PPARGC1A: variants seen among roughly 807,000 people sequenced by gnomAD.
The protein encoded by PPARGC1A is peroxisome proliferator-activated receptor gamma coactivator 1-alpha.
In PPARGC1A, 25 loss-of-function variants were observed where a neutral mutation model predicts 88.7. That is an observed-to-expected ratio of 0.28 (90% CI 0.21 to 0.39). The LOEUF is 0.39. Ranked by LOEUF, PPARGC1A falls within the 10% of genes least tolerant of loss-of-function variation. PPARGC1A has a pLI of 1.00. For missense variants in PPARGC1A, 880 were observed against 968.7 expected (o/e 0.91, Z 1.22); for synonymous variants, 363 against 355.6 (o/e 1.02, Z -0.24).
the PPARGC1A span, among the ~76,000 whole-genome samples, chr4:24,327,200 TC>T: frequency 2.0e-5 from 3 of 152,206 alleles, no homozygotes; most frequent in Admixed American, 2.0e-4. Context: ...GTATAGACGC[TC>T]CTTTTTATTA....
At chr4:24,396,148 T>C in the PPARGC1A span, among the ~76,000 whole-genome samples, 2 of 152,064 alleles carry the variant, frequency 1.3e-5, no homozygotes, top group African/African-American at 4.8e-5. Flanking sequence ...CCGGGGACAG[T>C]GCTGTTCTCA....
intron 2 of PPARGC1A, among the ~76,000 whole-genome samples, chr4:23,869,204 C>T (rs896376471): frequency 2.6e-5 from 4 of 152,032 alleles, no homozygotes; most frequent in South Asian, 2.1e-4. Flanking sequence ...GGGGCTATTA[C>T]GACAGCCATA....
chr4:24,466,656 C>T, the PPARGC1A span, among the ~76,000 whole-genome samples: 1 of 151,990 alleles, frequency 6.6e-6, no homozygotes, highest in African/African-American at 2.4e-5. Context: ...TTAAGGTTTA[C>T]ATATATTACA....
At chr4:23,947,376 TATATATATATATATATATATAAAA>T in the PPARGC1A span, among the ~76,000 whole-genome samples, 5,362 of 25,226 alleles carry the variant, frequency 0.21, 337 homozygotes, top group South Asian at 0.42. Context: ...TATATATATA[TATATATATATATATATATATAAAA>T]AAAACGGTGA....
At chr4:24,156,976 C>T in the PPARGC1A span, among the ~76,000 whole-genome samples, 13 of 152,080 alleles carry the variant, frequency 8.5e-5, no homozygotes, top group African/African-American at 2.7e-4. Flanking sequence ...CCCATCCCTT[C>T]GCTACTTTGA....
the PPARGC1A span, among the ~76,000 whole-genome samples, chr4:24,405,896 T>G: frequency 6.6e-6 from 1 of 152,102 alleles, no homozygotes; most frequent in South Asian, 2.1e-4. Flanking sequence ...CTCCTTTCCT[T>G]TCTTCTTTCC....
intron 2 of PPARGC1A, chr4:23,881,331 C>T (rs1004967735): frequency 6.6e-6 from 1 of 152,176 alleles, no homozygotes; most frequent in Admixed American, 6.5e-5. Context: ...CATCCAAACA[C>T]AGGTTGCGTA....
chr4:24,167,231 T>G, the PPARGC1A span, among the ~76,000 whole-genome samples: 1 of 152,120 alleles, frequency 6.6e-6, no homozygotes, highest in South Asian at 2.1e-4. Context: ...GTGGTAGAAA[T>G]AGCAAGAAAC....
At chr4:24,029,330 T>TC in the PPARGC1A span, among the ~76,000 whole-genome samples, 1 of 152,208 alleles carries the variant, frequency 6.6e-6, no homozygotes, top group Non-Finnish European at 1.5e-5. Flanking sequence ...CAACTTTTTT[T>TC]CTCCATTCTA....
chr4:23,907,855 G>T (rs1247633227), upstream of PPARGC1A, among the ~76,000 whole-genome samples: 1 of 152,046 alleles, frequency 6.6e-6, no homozygotes, highest in Non-Finnish European at 1.5e-5. Flanking sequence ...CCATGAAGTG[G>T]GCGTTGGGAC....
chr4:24,425,358 A>T, the PPARGC1A span, among the ~76,000 whole-genome samples: 5 of 152,216 alleles, frequency 3.3e-5, no homozygotes, highest in Non-Finnish European at 5.9e-5. Flanking sequence ...ATATATTTAT[A>T]AAACTGCTTC....
At chr4:23,897,111 G>T (rs972221804) in intron 1 of PPARGC1A, among the ~76,000 whole-genome samples, 1 of 152,196 alleles carries the variant, frequency 6.6e-6, no homozygotes, top group African/African-American at 2.4e-5. Context: ...ATATTCATAG[G>T]AATGAAAGCT....
At chr4:24,275,156 A>G in the PPARGC1A span, among the ~76,000 whole-genome samples, 1 of 152,246 alleles carries the variant, frequency 6.6e-6, no homozygotes, top group Non-Finnish European at 1.5e-5. Context: ...CAACAAATCA[A>G]TCATTTGAAA....
upstream of PPARGC1A, among the ~76,000 whole-genome samples, chr4:23,894,321 C>T (rs1488513063): frequency 5.3e-5 from 8 of 152,080 alleles, no homozygotes; most frequent in African/African-American, 1.4e-4. Context: ...GATCCTGATA[C>T]CCCACATCAG....
At chr4:24,051,279 G>A in the PPARGC1A span, among the ~76,000 whole-genome samples, 2 of 149,822 alleles carry the variant, frequency 1.3e-5, no homozygotes, top group African/African-American at 4.9e-5. Context: ...ATGGGAACAT[G>A]ATGAAAGGCA....
At chr4:24,416,570 A>ACT in the PPARGC1A span, among the ~76,000 whole-genome samples, 1 of 151,968 alleles carries the variant, frequency 6.6e-6, no homozygotes, top group Non-Finnish European at 1.5e-5. Flanking sequence ...GTGACTCAAG[A>ACT]CTCTGGCTGT....
chr4:24,292,012 G>A, the PPARGC1A span, among the ~76,000 whole-genome samples: 2,196 of 152,290 alleles, frequency 0.014, 40 homozygotes, highest in African/African-American at 0.05. Flanking sequence ...CGAGAGTGAC[G>A]TGGCTTCTCC....
chr4:24,236,933 C>T, the PPARGC1A span, among the ~76,000 whole-genome samples: 1 of 152,166 alleles, frequency 6.6e-6, no homozygotes. Flanking sequence ...TTAACATGCG[C>T]ACTGAAAACA....
At chr4:23,952,168 A>G in the PPARGC1A span, among the ~76,000 whole-genome samples, 860 of 152,260 alleles carry the variant, frequency 5.6e-3, 42 homozygotes, top group East Asian at 0.092. Context: ...TCGTAGCCTC[A>G]TAGGAGTCTC....
Sources: allele counts gnomAD v4.1 joint callset (sites outside exome capture counted in the v4.1 genomes callset), GRCh38; gene constraint gnomAD v4.1.1; transcripts MANE v1.5; gene names NCBI Gene and HGNC (gene_info 2026-07-23, HGNC 2026-07-21).